The following ADAMTS19 variants were observed in gnomAD, a reference collection of about 807,000 sequenced individuals.
ADAMTS19 encodes the protein ADAM metallopeptidase with thrombospondin type 1 motif 19.
Under a neutral mutation model 153.3 loss-of-function variants are expected in ADAMTS19, and 93 were observed. The observed-to-expected ratio is 0.61, with a 90% CI of 0.51 to 0.72. The LOEUF is 0.72. ADAMTS19 is among the 30% of genes least tolerant of loss of function. The pLI is 0.00. For missense variants in ADAMTS19, 1,482 were observed against 1,552.1 expected, an observed-to-expected ratio of 0.95 and a Z score of 0.76; for synonymous variants, 600 against 556.6, an observed-to-expected ratio of 1.08 and a Z score of -1.10.
intron 2 of ADAMTS19, among the ~76,000 whole-genome samples, chr5:129,486,149 T>C (rs1750584126): frequency 6.6e-6 from 1 of 152,122 alleles, no homozygotes; most frequent in Admixed American, 6.6e-5. Context: ...CCCAAATGAC[T>C]TCATTGGTAA....
intron 18 of ADAMTS19, among the ~76,000 whole-genome samples, chr5:129,692,107 C>T (rs1013801500): frequency 2.0e-5 from 3 of 152,134 alleles, no homozygotes; most frequent in Non-Finnish European, 4.4e-5. Flanking sequence ...ATTTATACTT[C>T]ATAAAAGTAG....
At chr5:129,693,899 TG>T (rs1365941123) in intron 18 of ADAMTS19, among the ~76,000 whole-genome samples, 4 of 152,186 alleles carry the variant, frequency 2.6e-5, no homozygotes, top group Non-Finnish European at 5.9e-5. Flanking sequence ...CTAGAATTCT[TG>T]GGGTCTTTAT....
At chr5:129,626,244 A>T (rs1475899075) in intron 10 of ADAMTS19, among the ~76,000 whole-genome samples, 1 of 152,084 alleles carries the variant, frequency 6.6e-6, no homozygotes, top group East Asian at 1.9e-4. Flanking sequence ...TATATGCTAT[A>T]TTGTCTTCTC....
intron 2 of ADAMTS19, among the ~76,000 whole-genome samples, chr5:129,478,605 G>T (rs78729088): frequency 6.6e-6 from 1 of 152,094 alleles, no homozygotes; most frequent in Non-Finnish European, 1.5e-5. Flanking sequence ...GGAGTGCAGC[G>T]GTGTGATCAT....
Position 129,527,824 on chromosome 5 carries a change from A to T in ADAMTS19, c.1163A>T (p.Glu388Val), listed in dbSNP as rs139181895. The part of the protein sequence containing the change: ...LRVIKLILLH[E>V]TPPELYIGHH... Reference sequence around the variant, plus strand: ...GTGATAAAGCTTATTCTGCTCCATGAAACTCCAGTAAGAAAGTCTTGAGTT... The same window carrying T: ...GTGATAAAGCTTATTCTGCTCCATGTAACTCCAGTAAGAAAGTCTTGAGTT... Residue 388 changes from glutamate to valine, a missense_variant, in exon 5 of 23, where the codon GAA (glutamate) becomes GTA (valine). Around this residue, in one of 2 missense-constraint regions of ADAMTS19, gnomAD observed 866 missense variants for 827.7 expected, o/e 1.05. Transcript: ENST00000274487. The T allele has an allele frequency of 3.1e-5, 49 of 1,581,668 alleles. No homozygotes were observed. Among genetic ancestry groups the T allele is most frequent in the Non-Finnish European group, 4.1e-5 (48 of 1,157,006 alleles).
At chr5:129,641,537 G>T (rs1043079358) in intron 10 of ADAMTS19, among the ~76,000 whole-genome samples, 2 of 152,080 alleles carry the variant, frequency 1.3e-5, no homozygotes, top group Non-Finnish European at 2.9e-5. Flanking sequence ...ATGTGTCATA[G>T]CATATAAATG....
chr5:129,672,366 A>G (rs1245068424), intron 16 of ADAMTS19, among the ~76,000 whole-genome samples: 1 of 152,164 alleles, frequency 6.6e-6, no homozygotes, highest in Admixed American at 6.5e-5. Flanking sequence ...AAAGAAATTA[A>G]AGAACCCTTA....
At chr5:129,647,598 T>C (rs1320259056) in intron 11 of ADAMTS19, among the ~76,000 whole-genome samples, 167 bp from the exon 12 acceptor site, 2 of 152,182 alleles carry the variant, frequency 1.3e-5, no homozygotes, top group Non-Finnish European at 2.9e-5. Context: ...GCAATTATAT[T>C]ACTATGACAA....
At chr5:129,662,970 C>G (rs1426229712) in intron 15 of ADAMTS19, among the ~76,000 whole-genome samples, 1 of 145,894 alleles carries the variant, frequency 6.9e-6, no homozygotes, top group Non-Finnish European at 1.5e-5. Context: ...TCTCTGCTCA[C>G]TGCAACTTCT....
chr5:129,514,223 T>G (rs982109573), intron 3 of ADAMTS19, among the ~76,000 whole-genome samples: 6 of 152,136 alleles, frequency 3.9e-5, no homozygotes, highest in Admixed American at 1.3e-4. Flanking sequence ...AAATCTTAGC[T>G]ATTGTAAACG....
At chr5:129,637,585 C>T (rs1752587489) in intron 10 of ADAMTS19, among the ~76,000 whole-genome samples, 1 of 152,108 alleles carries the variant, frequency 6.6e-6, no homozygotes, top group Admixed American at 6.6e-5. Flanking sequence ...TGGCTCACAC[C>T]TATAATCCCA....
chr5:129,693,504 C>T (rs902959943), intron 18 of ADAMTS19, among the ~76,000 whole-genome samples: 12 of 152,058 alleles, frequency 7.9e-5, no homozygotes, highest in Non-Finnish European at 1.6e-4. Flanking sequence ...ATCAATCTGG[C>T]GTCAAAATTT....
At chr5:129,536,226 A>G (rs540780400) in intron 6 of ADAMTS19, among the ~76,000 whole-genome samples, 1 of 152,312 alleles carries the variant, frequency 6.6e-6, no homozygotes, top group South Asian at 2.1e-4. Context: ...AAAAAAACAA[A>G]CAACCCCATC....
intron 21 of ADAMTS19, among the ~76,000 whole-genome samples, chr5:129,733,683 G>A (rs560048001): frequency 2.6e-4 from 39 of 152,046 alleles, no homozygotes; most frequent in African/African-American, 8.7e-4. Context: ...GGAGAGAAAA[G>A]GGAATACTTA....
At chr5:129,623,966 A>T (rs550243151) in intron 10 of ADAMTS19, among the ~76,000 whole-genome samples, 252 of 145,414 alleles carry the variant, frequency 1.7e-3, no homozygotes, top group African/African-American at 5.6e-3. Context: ...TAAAAATATA[A>T]AAAAAAAAAA....
intron 6 of ADAMTS19, among the ~76,000 whole-genome samples, chr5:129,535,201 G>A (rs1427556803): frequency 6.6e-6 from 1 of 152,152 alleles, no homozygotes; most frequent in Non-Finnish European, 1.5e-5. Context: ...AAGCTGATAA[G>A]CAACTTCAGC....
intron 16 of ADAMTS19, among the ~76,000 whole-genome samples, chr5:129,671,952 T>A (rs1022284551): frequency 1.4e-4 from 22 of 152,208 alleles, no homozygotes; most frequent in Non-Finnish European, 2.9e-4. Context: ...AAACACTTTT[T>A]ATAATGTACC....
chr5:129,607,074 CA>C (rs1750935150), intron 8 of ADAMTS19, among the ~76,000 whole-genome samples: 1 of 152,006 alleles, frequency 6.6e-6, no homozygotes, highest in Admixed American at 6.6e-5. Flanking sequence ...CTCAGCACCC[CA>C]CCCAGCTAAT....
chr5:129,669,804 T>G (rs999868474), intron 16 of ADAMTS19, among the ~76,000 whole-genome samples: 3 of 152,154 alleles, frequency 2.0e-5, no homozygotes, highest in African/African-American at 4.8e-5. Flanking sequence ...TAATTTCTAA[T>G]TCCCCATGTG....
Sources: gnomAD v4.1 joint callset for allele counts (sites outside exome capture counted in the v4.1 genomes callset) on GRCh38, gnomAD v4.1.1 for gene constraint, gnomAD v4.1.1 regional missense constraint, MANE v1.5 for transcripts, NCBI Gene and HGNC (gene_info 2026-07-23, HGNC 2026-07-21) for gene names.